Variants in UBAP1L observed in about 807,000 individuals in gnomAD.
UBAP1L encodes the protein ubiquitin-associated protein 1-like.
UBAP1L carries 32 observed loss-of-function variants against 32.1 expected under a neutral mutation model. The ratio of observed to expected loss-of-function variants is 1.00; its 90% CI spans 0.75 to 1.34. UBAP1L has a LOEUF of 1.34. Ranked by LOEUF, UBAP1L falls within the 40% of genes most tolerant of loss-of-function variation. The pLI is 0.00. For synonymous variants in UBAP1L, 243 were observed against 250.2 expected, an observed-to-expected ratio of 0.97 and a Z score of 0.27; for missense variants, 516 against 540.5, an observed-to-expected ratio of 0.95 and a Z score of 0.45.
chr15:65,098,980 G>T (rs1031541430), intron 4 of UBAP1L: 1 of 152,494 alleles, frequency 6.6e-6, no homozygotes, highest in Non-Finnish European at 1.5e-5. Context: ...TCCTCTGCAG[G>T]TGCTCTTACA....
At chr15:65,096,745 C>T (rs867855440) in intron 4 of UBAP1L, 1 of 152,262 alleles carries the variant, frequency 6.6e-6, no homozygotes, top group African/African-American at 2.4e-5. Flanking sequence ...ACACATGGCA[C>T]CCATGCCTGT....
At chr15:65,107,459 A>G (rs937994769) in intron 1 of UBAP1L, among the ~76,000 whole-genome samples, 1 of 152,148 alleles carries the variant, frequency 6.6e-6, no homozygotes, top group Admixed American at 6.6e-5. Flanking sequence ...GGCCAGGTGC[A>G]GTGGCTCACA....
chr15:65,106,006 T>C, intron 2 of UBAP1L, 90 bp downstream of exon 2: 2 of 1,515,218 alleles, frequency 1.3e-6, no homozygotes, highest in Non-Finnish European at 1.8e-6. Flanking sequence ...TGGCCAGGGC[T>C]AGCTGTCCTT....
At chr15:65,114,343 C>A (rs1221652166) in intron 1 of UBAP1L, among the ~76,000 whole-genome samples, 1 of 152,104 alleles carries the variant, frequency 6.6e-6, no homozygotes, top group East Asian at 1.9e-4. Context: ...AATCCTAATT[C>A]ATAATCTCAG....
chr15:65,102,658 T>C lies in UBAP1L; in HGVS notation c.147A>G (p.Ala49=). ...SMHDFSLERT[A]LFWVEAAGQG... is the part of the protein sequence containing the mutation. Reference sequence around the variant, plus strand: ...GGCCGGCGGCCTCCACCCAGAAGAGTGCCGTCCTCTCCAGGCTGAAGTCGT... The same window carrying C: ...GGCCGGCGGCCTCCACCCAGAAGAGCGCCGTCCTCTCCAGGCTGAAGTCGT... Residue 49 remains alanine (A), a synonymous_variant, in exon 3 of 6, where the codon GCA becomes GCG. Transcript: ENST00000559089. This position sits in a 1 kb window ranked among gnomAD's most constrained non-coding sequence, Gnocchi z 5.0. 6.5e-7 allele frequency: 1 copy of C among 1,547,438 alleles called. No homozygotes were observed. Among genetic ancestry groups the C allele is most frequent in the Non-Finnish European group, 8.7e-7 (1 of 1,146,438 alleles).
intron 1 of UBAP1L, among the ~76,000 whole-genome samples, chr15:65,113,999 G>A (rs2087386291): frequency 6.6e-6 from 1 of 151,918 alleles, no homozygotes; most frequent in Non-Finnish European, 1.5e-5. Flanking sequence ...AGATTCTCCT[G>A]CCTCAGCCTC....
rs1217819023 is a variant in UBAP1L at position 65,102,654 on chromosome 15, A to G, written c.151T>C (p.Phe51Leu). The change falls in exon 3 of 6, where the codon TTC (phenylalanine) becomes CTC (leucine). Residue 51 changes from phenylalanine (F) to leucine (L), a missense_variant. Coordinates refer to ENST00000559089, the MANE Select transcript of UBAP1L (RefSeq NM_001163692.2). The surrounding 1 kb of genome is among the most constrained non-coding windows in gnomAD (Gnocchi z 5.0). ...HDFSLERTAL[F>L]WVEAAGQGPS... ...CCCTGGCCGGCGGCCTCCACCCAGAAGAGTGCCGTCCTCTCCAGGCTGAAG... is the reference window on the plus strand; with the variant it reads ...CCCTGGCCGGCGGCCTCCACCCAGAGGAGTGCCGTCCTCTCCAGGCTGAAG... 1.3e-6 allele frequency: 2 copies of G among 1,548,748 alleles called. No individual in the cohort carries two copies. Among genetic ancestry groups the G allele is most frequent in the Admixed American group, 2.0e-5 (1 of 50,996 alleles).
chr15:65,114,514 G>T (rs562714257), intron 1 of UBAP1L, among the ~76,000 whole-genome samples: 1 of 152,112 alleles, frequency 6.6e-6, no homozygotes, highest in African/African-American at 2.4e-5. Flanking sequence ...ATATAAATTG[G>T]CTGATAAGTA....
intron 5 of UBAP1L, 22 bp from the exon 6 acceptor site, chr15:65,093,253 G>C: frequency 6.5e-7 from 1 of 1,527,090 alleles, no homozygotes; most frequent in Non-Finnish European, 8.8e-7. Flanking sequence ...GAGACAGGGA[G>C]GGTGCTGGGG....
rs1456185560 is a variant in UBAP1L, at chr15:65,093,214, G to A, written c.1029C>T (p.Arg343=). 2 of 1,546,956 alleles carry A rather than the reference G, an allele frequency of 1.3e-6. No individual in the cohort carries two copies. Among genetic ancestry groups the A allele is most frequent in the Non-Finnish European group, 1.7e-6 (2 of 1,145,694 alleles). The change falls in exon 6 of 6, where the codon CGC becomes CGT. Residue 343 remains arginine, a synonymous_variant. Transcript: ENST00000559089. ...FSESQAGEFL[R]LWEQFSDMGF... ...CCATGTCACTGAACTGCTCCCAGAG[G>A]CGCAGGAACTCCCCTGCCTGAGGAA...
chr15:65,099,762 C>T (rs760569481), intron 3 of UBAP1L, 48 bp from the exon 4 acceptor site: 26 of 1,475,696 alleles, frequency 1.8e-5, no homozygotes, highest in Non-Finnish European at 2.3e-5. Context: ...GGAAGTGACA[C>T]TCAGTTGGGC....
At chr15:65,112,616 G>T (rs2087375642) in intron 1 of UBAP1L, among the ~76,000 whole-genome samples, 1 of 152,182 alleles carries the variant, frequency 6.6e-6, no homozygotes, top group Admixed American at 6.5e-5. Flanking sequence ...CTCTCTAAAT[G>T]ACTTTATTCT....
chr15:65,108,065 T>C (rs2087336261), intron 1 of UBAP1L, among the ~76,000 whole-genome samples: 1 of 151,942 alleles, frequency 6.6e-6, no homozygotes, highest in Non-Finnish European at 1.5e-5. Context: ...AGCAACACAG[T>C]GGAAGACTTT....
intron 2 of UBAP1L, 197 bp downstream of exon 2, chr15:65,105,899 T>A: frequency 1.3e-6 from 1 of 756,850 alleles, no homozygotes. Flanking sequence ...CAAACAATTC[T>A]CATGCCTCCA....
intron 3 of UBAP1L, 29 bp from the exon 4 acceptor site, chr15:65,099,743 G>A: frequency 6.6e-7 from 1 of 1,515,386 alleles, no homozygotes; most frequent in Non-Finnish European, 8.9e-7. Flanking sequence ...GGACATGTCA[G>A]TTACTACAGG....
chr15:65,111,403 C>T (rs2087368546), intron 1 of UBAP1L, among the ~76,000 whole-genome samples: 1 of 152,220 alleles, frequency 6.6e-6, no homozygotes, highest in East Asian at 1.9e-4. Context: ...CCATCTTCCG[C>T]CCAGCATCTG....
At chr15:65,099,279 C>A in intron 4 of UBAP1L, 1 of 548,980 alleles carries the variant, frequency 1.8e-6, no homozygotes, top group Non-Finnish European at 3.3e-6. Flanking sequence ...CCACTTACCT[C>A]AGGTCACCCC....
At chr15:65,103,063 T>C (rs1437128025) in intron 2 of UBAP1L, among the ~76,000 whole-genome samples, 1 of 152,208 alleles carries the variant, frequency 6.6e-6, no homozygotes, top group Non-Finnish European at 1.5e-5. Context: ...CCCAGCAGTT[T>C]GCCAATGAGT....
In UBAP1L at chr15:65,094,411, C is replaced by T. The variant is rs572047167; in HGVS notation, c.1011+64G>A. 6.2e-5 allele frequency: 77 copies of T among 1,237,182 alleles called. No individual in the cohort carries two copies. The African/African-American group carries it at 6.4e-4, about 10-fold the overall frequency. The allele number at this position is 1,237,182 out of a possible 1,614,324, so 76.6% of individuals were successfully genotyped here. A position where few individuals can be genotyped will look rare whatever the true frequency, so the allele number is the denominator to read the frequency against. On this transcript the variant is annotated intron_variant, in intron 5 of 5. Coordinates refer to ENST00000559089, the MANE Select transcript of UBAP1L (RefSeq NM_001163692.2). This position sits in a 1 kb window ranked among gnomAD's most constrained non-coding sequence, Gnocchi z 4.2. The stretch of plus-strand genomic sequence containing the variant: ...TGAGGACTGGTGTGGCCCTGCACAC[C>T]GGGCTCCTGGGTACACCCCCATCCC...
Sources: allele counts gnomAD v4.1 joint callset (sites outside exome capture counted in the v4.1 genomes callset), GRCh38; gene constraint gnomAD v4.1.1; non-coding constraint Gnocchi (gnomAD v3.1); transcripts MANE v1.5; gene names NCBI Gene and HGNC (gene_info 2026-07-23, HGNC 2026-07-21).